Variants in NWD1 observed in about 807,000 individuals in gnomAD.
The protein encoded by NWD1 is NACHT and WD repeat domain containing 1.
In NWD1, 129 loss-of-function variants were observed where a neutral mutation model predicts 135.1. That is an observed-to-expected ratio of 0.96 (90% confidence interval 0.83 to 1.11). NWD1 has a LOEUF of 1.11. NWD1 is among the 50% of genes least tolerant of loss of function. The probability of loss-of-function intolerance (pLI) is 0.00; values close to 1 mark genes in which losing one functional copy is unlikely to be tolerated. For synonymous variants in NWD1, 773 were observed against 786.0 expected (o/e 0.98, Z 0.28); for missense variants, 1,740 against 1,851.3 (o/e 0.94, Z 1.10).
At position 16,728,931 on chromosome 19, in the gene NWD1, A is replaced by G. The variant is rs372698493; in HGVS notation, c.-6-2261A>G. The stretch of plus-strand genomic sequence containing the variant: ...TGCACTCCAGCCTGGGCAACAGAGC[A>G]TGACTCCATCTCAAAAAAAAAAAAA... On this transcript the variant is annotated intron_variant, in intron 2 of 18. Transcript: ENST00000524140. Among the ~76,000 whole-genome samples the G allele has an allele frequency of 1.6e-3, 204 of 125,710 alleles. 2 individuals are homozygous for G. In the Middle Eastern group the frequency reaches 0.03, roughly 18 times the overall value. 82.5% of individuals were successfully genotyped at this position (125,710 alleles called of 152,430 possible).
chr19:16,722,926 G>C (rs2122655441), intron 1 of NWD1, among the ~76,000 whole-genome samples: 1 of 152,234 alleles, frequency 6.6e-6, no homozygotes, highest in Non-Finnish European at 1.5e-5. Context: ...GTGGCAAACT[G>C]TTCATGTTGT....
At position 16,749,487 on chromosome 19, in the gene NWD1, G is replaced by A. The variant is rs200643172; in HGVS notation, c.845G>A (p.Arg282His). 2.0e-5 allele frequency: 33 copies of A among 1,611,922 alleles called. No individual in the cohort carries two copies. Among genetic ancestry groups the A allele is most frequent in the Middle Eastern group, 3.3e-4 (2 of 6,082 alleles). Residue 282 changes from arginine to histidine, a missense_variant, in exon 6 of 19, where the codon CGT (arginine) becomes CAT (histidine). Coordinates refer to ENST00000524140, the MANE Select transcript of NWD1 (RefSeq NM_001007525.5). The stretch of plus-strand genomic sequence containing the variant: ...AATCACCAGGTCCTCACACGCCTCC[G>A]TGAGCTGGATACGGCCGGACAGGAG... ...RANHQVLTRL[R>H]ELDTAGQELA... is the part of the protein sequence containing the mutation.
intron 10 of NWD1, among the ~76,000 whole-genome samples, chr19:16,765,503 T>C (rs1361422868): frequency 3.9e-5 from 6 of 152,116 alleles, no homozygotes; most frequent in Non-Finnish European, 7.3e-5. Context: ...CTTGCTAATT[T>C]TTCTATTTTT....
chr19:16,764,934 T>G, intron 9 of NWD1, 100 bp from the exon 10 acceptor site: 5 of 1,292,190 alleles, frequency 3.9e-6, no homozygotes, highest in Non-Finnish European at 5.4e-6. Context: ...CTGCTGAGCC[T>G]GAGATGCCCT....
At chr19:16,723,987 C>T (rs900931956) in intron 1 of NWD1, among the ~76,000 whole-genome samples, 5 of 152,238 alleles carry the variant, frequency 3.3e-5, no homozygotes, top group Middle Eastern at 3.4e-3. Context: ...TGAGCCATCT[C>T]GCCTGGGCTA....
At chr19:16,766,080 A>C (rs537870741) in intron 10 of NWD1, among the ~76,000 whole-genome samples, 1 of 152,084 alleles carries the variant, frequency 6.6e-6, no homozygotes, top group African/African-American at 2.4e-5. Context: ...TTTCGAGAAA[A>C]CTCGAGGAAA....
chr19:16,785,534 AAAAT>A (rs1232982542), intron 12 of NWD1, among the ~76,000 whole-genome samples: 1 of 151,466 alleles, frequency 6.6e-6, no homozygotes, highest in Admixed American at 6.6e-5. Flanking sequence ...AAAATAAAAT[AAAAT>A]AAACAAACAA....
intron 18 of NWD1, among the ~76,000 whole-genome samples, chr19:16,809,800 G>A (rs1970868478): frequency 2.6e-5 from 4 of 151,296 alleles, no homozygotes; most frequent in Admixed American, 2.0e-4. Context: ...CTCGTGATCC[G>A]CCCACCTTGG....
chr19:16,734,641 A>G (rs1967720610), intron 3 of NWD1, among the ~76,000 whole-genome samples: 1 of 151,528 alleles, frequency 6.6e-6, no homozygotes, highest in South Asian at 2.1e-4. Context: ...CAGGCATGCA[A>G]TCACAGCTCA....
intron 17 of NWD1, among the ~76,000 whole-genome samples, chr19:16,803,339 C>A (rs573245450): frequency 6.6e-6 from 1 of 152,114 alleles, no homozygotes; most frequent in African/African-American, 2.4e-5. Flanking sequence ...CAGACTTAGA[C>A]AGGCCCCAGC....
In NWD1 at chr19:16,749,523, T is replaced by C; in HGVS notation, c.881T>C (p.Leu294Pro). ...LDTAGQELAWLYQEIRHHLWQ... is the reference protein window; with the variant it reads ...LDTAGQELAWPYQEIRHHLWQ... ...ACGGCCGGACAGGAGTTGGCGTGGC[T>C]CTACCAAGAGATCCGCCACCACCTT... Residue 294 changes from leucine to proline, a missense_variant, in exon 6 of 19, where the codon CTC becomes CCC. Transcript: ENST00000524140. 1 of 1,611,388 alleles carries C rather than the reference T, an allele frequency of 6.2e-7. No homozygotes were observed. Among genetic ancestry groups the C allele is most frequent in the Non-Finnish European group, 8.5e-7 (1 of 1,177,810 alleles).
chr19:16,811,068 C>T (rs1970910985), intron 18 of NWD1, among the ~76,000 whole-genome samples: 1 of 152,088 alleles, frequency 6.6e-6, no homozygotes, highest in Admixed American at 6.6e-5. Flanking sequence ...GTTTCACCCA[C>T]CCACCTTGGC....
chr19:16,742,111 A>G (rs1383254153), intron 4 of NWD1, among the ~76,000 whole-genome samples: 1 of 151,450 alleles, frequency 6.6e-6, no homozygotes, highest in Non-Finnish European at 1.5e-5. Flanking sequence ...GCAGTGGCTC[A>G]TGCCTGTAAT....
chr19:16,720,533 C>T (rs1230834998), intron 1 of NWD1, among the ~76,000 whole-genome samples: 1 of 152,054 alleles, frequency 6.6e-6, no homozygotes, highest in Non-Finnish European at 1.5e-5. Flanking sequence ...AATTCTGCCC[C>T]CTAGGGGACA....
chr19:16,761,862 G>A, intron 7 of NWD1, 117 bp from the exon 8 acceptor site: 1 of 732,446 alleles, frequency 1.4e-6, no homozygotes, highest in Non-Finnish European at 2.3e-6. Context: ...AGCACAGGTG[G>A]TCAACAGAGT....
chr19:16,730,165 A>G (rs1487683656), intron 2 of NWD1, among the ~76,000 whole-genome samples: 1 of 150,812 alleles, frequency 6.6e-6, no homozygotes, highest in African/African-American at 2.4e-5. Context: ...CTACTAAAAC[A>G]CAAAAAATTA....
At chr19:16,764,445 T>C (rs544856799) in intron 9 of NWD1, among the ~76,000 whole-genome samples, 13 of 150,816 alleles carry the variant, frequency 8.6e-5, no homozygotes, top group Non-Finnish European at 1.8e-4. Context: ...GATCTCCTTA[T>C]TGAGCCATGA....
chr19:16,794,604 T>G, intron 15 of NWD1, 51 bp downstream of exon 15: 1 of 1,277,730 alleles, frequency 7.8e-7, no homozygotes, highest in Non-Finnish European at 1.1e-6. Flanking sequence ...CAGGATCAGG[T>G]TGGAGAAGGG....
At chr19:16,763,710 C>T (rs189966073) in intron 8 of NWD1, 118 bp from the exon 9 acceptor site, 3 of 700,982 alleles carry the variant, frequency 4.3e-6, no homozygotes, top group East Asian at 5.2e-5. Flanking sequence ...TGTCTGTCTT[C>T]CATTGCATTC....
Sources: gnomAD v4.1 joint callset for allele counts (sites outside exome capture counted in the v4.1 genomes callset) on GRCh38, gnomAD v4.1.1 for gene constraint, MANE v1.5 for transcripts, NCBI Gene and HGNC (gene_info 2026-07-23, HGNC 2026-07-21) for gene names.